The following SYN3 variants were observed in gnomAD, a reference collection of about 807,000 sequenced individuals.
SYN3 encodes the protein synapsin III, also known as synapsin-3.
Under a neutral mutation model 65.8 loss-of-function variants are expected in SYN3, and 35 were observed. That is an observed-to-expected ratio of 0.53 (90% CI 0.41 to 0.70). The LOEUF is 0.70. SYN3 is among the 30% of genes least tolerant of loss of function. The pLI, the probability that SYN3 is intolerant of heterozygous loss-of-function variation, is 0.00. For synonymous variants in SYN3, 270 were observed against 292.9 expected (o/e 0.92, Z 0.80); for missense variants, 680 against 749.0 (o/e 0.91, Z 1.08).
chr22:32,684,339 G>C (rs1469880985), intron 6 of SYN3, among the ~76,000 whole-genome samples: 1 of 152,140 alleles, frequency 6.6e-6, no homozygotes, highest in Non-Finnish European at 1.5e-5. Context: ...GACAGAGATA[G>C]AGCCCTGATG....
intron 11 of SYN3, among the ~76,000 whole-genome samples, 171 bp downstream of exon 11, chr22:32,528,703 G>T (rs558191494): frequency 6.6e-6 from 1 of 152,314 alleles, no homozygotes; most frequent in South Asian, 2.1e-4. Context: ...ACTTACTGGG[G>T]CAGGCTGTGA....
intron 3 of SYN3, among the ~76,000 whole-genome samples, chr22:32,967,869 G>A (rs1364912439): frequency 1.3e-5 from 2 of 152,234 alleles, no homozygotes; most frequent in Non-Finnish European, 2.9e-5. Flanking sequence ...ACAGACAACA[G>A]CAGAGCTGGC....
intron 6 of SYN3, among the ~76,000 whole-genome samples, chr22:32,794,478 C>T (rs1167025582): frequency 6.6e-6 from 1 of 152,160 alleles, no homozygotes; most frequent in African/African-American, 2.4e-5. Context: ...ATTCCAGAAC[C>T]TCTGTTGGGG....
intron 6 of SYN3, among the ~76,000 whole-genome samples, chr22:32,791,515 A>G (rs919670576): frequency 1.3e-4 from 19 of 151,934 alleles, no homozygotes; most frequent in Non-Finnish European, 2.6e-4. Context: ...TGGCGGGTAC[A>G]GGCATTCTGG....
At chr22:32,730,404 AC>A (rs552748400) in intron 6 of SYN3, among the ~76,000 whole-genome samples, 108 of 152,286 alleles carry the variant, frequency 7.1e-4, no homozygotes, top group African/African-American at 2.5e-3. Flanking sequence ...TGGGCTAGAC[AC>A]TGCAGATTCC....
At chr22:32,663,550 G>A (rs2060248412) in intron 6 of SYN3, among the ~76,000 whole-genome samples, 3 of 151,894 alleles carry the variant, frequency 2.0e-5, no homozygotes, top group South Asian at 2.1e-4. Flanking sequence ...CACCTGCCTC[G>A]GCCTCCCAAA....
intron 3 of SYN3, among the ~76,000 whole-genome samples, chr22:32,952,873 C>T (rs2051333803): frequency 6.6e-6 from 1 of 152,204 alleles, no homozygotes; most frequent in African/African-American, 2.4e-5. Context: ...AATCTGATCT[C>T]CACCCCTGCC....
chr22:32,775,758 T>C (rs2045893472), intron 6 of SYN3, among the ~76,000 whole-genome samples: 1 of 152,178 alleles, frequency 6.6e-6, no homozygotes, highest in Admixed American at 6.5e-5. Flanking sequence ...TTTCCCTTTA[T>C]GTAAAACAGG....
chr22:32,945,920 A>G (rs1223898318), intron 3 of SYN3, among the ~76,000 whole-genome samples: 1 of 152,264 alleles, frequency 6.6e-6, no homozygotes, highest in Non-Finnish European at 1.5e-5. Context: ...ACATTTATGC[A>G]GCCAACAGAC....
intron 6 of SYN3, among the ~76,000 whole-genome samples, chr22:32,649,582 C>T (rs2060032252): frequency 6.6e-6 from 1 of 152,180 alleles, no homozygotes; most frequent in African/African-American, 2.4e-5. Flanking sequence ...CTTCTTACTA[C>T]ACCACGGAAG....
intron 6 of SYN3, among the ~76,000 whole-genome samples, chr22:32,730,595 G>A (rs1029177068): frequency 6.6e-6 from 1 of 152,214 alleles, no homozygotes; most frequent in Non-Finnish European, 1.5e-5. Context: ...AATATTGTGA[G>A]TTTGCTTATC....
chr22:32,816,718 C>CTA (rs1262366311), intron 6 of SYN3, among the ~76,000 whole-genome samples: 2 of 152,182 alleles, frequency 1.3e-5, no homozygotes, highest in Non-Finnish European at 2.9e-5. Context: ...GGATCATCCT[C>CTA]TAATACCAAG....
At chr22:32,530,874 C>T (rs1021370363) in intron 10 of SYN3, among the ~76,000 whole-genome samples, 1 of 151,828 alleles carries the variant, frequency 6.6e-6, no homozygotes, top group Non-Finnish European at 1.5e-5. Flanking sequence ...GGCGTGGTGG[C>T]AGGTGCCTGT....
Position 33,006,672 on chromosome 22 carries a change from T to C in SYN3, c.-10A>G. 1.3e-6 allele frequency: 2 copies of C among 1,561,164 alleles called. No homozygotes were observed. The highest frequency in any genetic ancestry group is 1.7e-6 in the Non-Finnish European group (2 of 1,153,064). ...GCCGGAGGAAATTCATGGCTGTGGATGGATGGAGATGACTGGCTCCTACCC... is the reference window on the plus strand; with the variant it reads ...GCCGGAGGAAATTCATGGCTGTGGACGGATGGAGATGACTGGCTCCTACCC... On this transcript the variant is annotated 5_prime_UTR_variant, in exon 2 of 14. Transcript: ENST00000358763.
chr22:32,585,605 G>A (rs2059011440), intron 7 of SYN3, among the ~76,000 whole-genome samples: 1 of 152,134 alleles, frequency 6.6e-6, no homozygotes, highest in Non-Finnish European at 1.5e-5. Context: ...AGTGAACCAA[G>A]GATGATGTGA....
Position 32,724,095 on chromosome 22 carries a change from G to A in SYN3, c.712-127359C>T, listed in dbSNP as rs188505925. On this transcript the variant is annotated intron_variant, in intron 6 of 13. Transcript: ENST00000358763. ...TGTTAAAACTGAGGCCCAGAGAGGG[G>A]AAGAAACTAGTCCAAGTCATCCAGC... Among the ~76,000 whole-genome samples the A allele has an allele frequency of 6.6e-5, 10 of 152,342 alleles. No individual in the cohort carries two copies. In the East Asian group the frequency reaches 1.9e-3, roughly 29 times the overall value.
intron 4 of SYN3, among the ~76,000 whole-genome samples, chr22:32,902,305 G>T (rs1478227775): frequency 6.6e-6 from 1 of 152,212 alleles, no homozygotes; most frequent in East Asian, 1.9e-4. Context: ...GGTCAAGGGA[G>T]AATGTAGTCA....
In SYN3 at chr22:32,717,541, T is replaced by C. The variant is rs570649705; in HGVS notation, c.712-120805A>G. Among the ~76,000 whole-genome samples the C allele has an allele frequency of 3.9e-5, 6 of 152,276 alleles. No homozygotes were observed. The South Asian group carries it at 1.0e-3, about 26-fold the overall frequency. ...GAGTGGGGGACCAGGTCTGGCAGTC[T>C]CAGCCTCTGAGGTGGCTCTTTATTC... On this transcript the variant is annotated intron_variant, in intron 6 of 13. Transcript: ENST00000358763.
intron 2 of SYN3, among the ~76,000 whole-genome samples, chr22:32,992,560 C>G (rs1380542091): frequency 1.3e-5 from 2 of 152,184 alleles, no homozygotes; most frequent in Non-Finnish European, 2.9e-5. Context: ...CGCCTGTAAT[C>G]CCAGCACTTT....
Sources: allele counts gnomAD v4.1 joint callset (sites outside exome capture counted in the v4.1 genomes callset), GRCh38; gene constraint gnomAD v4.1.1; transcripts MANE v1.5; gene names NCBI Gene and HGNC (gene_info 2026-07-23, HGNC 2026-07-21).